Variants in JADE2 observed in about 807,000 individuals in gnomAD.
JADE2 encodes jade family PHD finger 2.
A neutral mutation model predicts 85.7 loss-of-function variants in JADE2; 13 were observed. The observed-to-expected ratio is 0.15, with a 90% CI of 0.10 to 0.24. The LOEUF is 0.24. JADE2 is among the 10% of genes least tolerant of loss of function. The probability of loss-of-function intolerance (pLI) is 1.00; values close to 1 mark genes in which losing one functional copy is unlikely to be tolerated. For missense variants in JADE2, 846 were observed against 1,115.9 expected, an observed-to-expected ratio of 0.76 and a Z score of 3.45; for synonymous variants, 440 against 456.1, an observed-to-expected ratio of 0.96 and a Z score of 0.45.
chr5:134,545,410 G>T (rs190467539), intron 3 of JADE2, among the ~76,000 whole-genome samples: 3,753 of 146,898 alleles, frequency 0.026, 145 homozygotes, highest in African/African-American at 0.083. Flanking sequence ...GTTGAGTGGG[G>T]TTTTTTTTTT....
In JADE2 at chr5:134,580,475, C is replaced by G. The variant is rs959798641; in HGVS notation, c.*1158C>G. ...CCCCGCCGTCCTGCCTTCCCCACCC[C>G]ACCCTTAGGTCCCAGGTAGTTGCTC... On this transcript the variant is annotated 3_prime_UTR_variant, in exon 12 of 12. Coordinates refer to ENST00000681547, the MANE Select transcript of JADE2 (RefSeq NM_001388185.1). 2 of 147,436 alleles carry G rather than the reference C, an allele frequency of 1.4e-5. No homozygotes were observed. The highest frequency in any genetic ancestry group is 3.0e-5 in the Non-Finnish European group (2 of 66,772). 9.1% of individuals were successfully genotyped at this position (147,436 alleles called of 1,614,324 possible).
At chr5:134,564,348 G>A (rs1763506654) in intron 7 of JADE2, 146 bp from the exon 8 acceptor site, 2 of 550,908 alleles carry the variant, frequency 3.6e-6, no homozygotes, top group Non-Finnish European at 3.3e-6. Flanking sequence ...TGCTTGTTTG[G>A]TGTCAGGAGG....
Position 134,531,883 on chromosome 5 carries a change from CTTTTTTTTTTTTT to C in JADE2, c.1-3957_1-3945del, listed in dbSNP as rs1160758941. ...TATAAGGATGAGCCACCGTGCCTGG[CTTTTTTTTTTTTT>C]TTTTTTTTTTTTTTTTTGAGACAGG... On this transcript the variant is annotated intron_variant, in intron 1 of 11. Coordinates refer to ENST00000681547, the MANE Select transcript of JADE2 (RefSeq NM_001388185.1). 1.4e-3 allele frequency among the ~76,000 whole-genome samples: 52 copies of C among 38,490 alleles called. 1 individual carries two copies. The East Asian group carries it at 0.015, about 11-fold the overall frequency. 25.3% of individuals were successfully genotyped at this position (38,490 alleles called of 152,430 possible). A position where few individuals can be genotyped will look rare whatever the true frequency, so the allele number is the denominator to read the frequency against.
Position 134,580,460 on chromosome 5 carries a change from C to T in JADE2, c.*1143C>T, listed in dbSNP as rs142844903. ...CGTCCTGCCATCCCCCCCCGCCGTCCTGCCTTCCCCACCCCACCCTTAGGT... is the reference window on the plus strand; with the variant it reads ...CGTCCTGCCATCCCCCCCCGCCGTCTTGCCTTCCCCACCCCACCCTTAGGT... On this transcript the variant is annotated 3_prime_UTR_variant, in exon 12 of 12. Coordinates refer to ENST00000681547, the MANE Select transcript of JADE2 (RefSeq NM_001388185.1). 0.097 allele frequency: 13,314 copies of T among 137,080 alleles called. 880 individuals carry two copies. The highest frequency in any genetic ancestry group is 0.2 in the East Asian group (803 of 4,032). The allele number at this position is 137,080 out of a possible 1,614,324, so 8.5% of individuals were successfully genotyped here.
chr5:134,565,686 A>G (rs928658987), intron 8 of JADE2, among the ~76,000 whole-genome samples: 2 of 152,128 alleles, frequency 1.3e-5, no homozygotes. Flanking sequence ...CTCTAAAAAT[A>G]CAAAAACTAG....
chr5:134,556,854 GCA>G (rs1762971350), intron 4 of JADE2, among the ~76,000 whole-genome samples: 2 of 50,752 alleles, frequency 3.9e-5, no homozygotes, highest in Non-Finnish European at 7.7e-5. Flanking sequence ...GCACATACAC[GCA>G]CACACCACAC....
intron 3 of JADE2, among the ~76,000 whole-genome samples, chr5:134,551,288 G>A (rs898603904): frequency 8.6e-5 from 13 of 151,990 alleles, no homozygotes; most frequent in Non-Finnish European, 1.5e-4. Context: ...GAGTGCAGTG[G>A]TGCAATCATG....
intron 3 of JADE2, among the ~76,000 whole-genome samples, chr5:134,551,448 C>T (rs1332921038): frequency 1.3e-5 from 2 of 151,838 alleles, no homozygotes; most frequent in Non-Finnish European, 2.9e-5. Context: ...AGACTTGTCT[C>T]AAAATCCTGG....
rs933237876 is a variant in JADE2 at position 134,562,775 on chromosome 5, A to G, written c.852+408A>G. On this transcript the variant is annotated intron_variant, in intron 7 of 11. Coordinates refer to ENST00000681547, the MANE Select transcript of JADE2 (RefSeq NM_001388185.1). This position sits in a 1 kb window ranked among gnomAD's most constrained non-coding sequence, Gnocchi z 4.6. ...CAAGACTCCGTCTGAAAAACAAAAC[A>G]AAACAAAGCACACACTGGGATCTCA... 6.6e-6 allele frequency among the ~76,000 whole-genome samples: 1 copy of G among 152,138 alleles called. No homozygotes were observed. Among genetic ancestry groups the G allele is most frequent in the Admixed American group, 6.5e-5 (1 of 15,280 alleles).
chr5:134,535,765 A>G (rs1761545994), intron 1 of JADE2, 93 bp from the exon 2 acceptor site: 1 of 1,002,940 alleles, frequency 1.0e-6, no homozygotes, highest in East Asian at 2.4e-5. Context: ...GCAGTGTCAT[A>G]AGTGTGGGGA....
intron 4 of JADE2, among the ~76,000 whole-genome samples, chr5:134,558,712 A>AT (rs1763138336): frequency 6.6e-6 from 1 of 152,082 alleles, no homozygotes; most frequent in Admixed American, 6.6e-5. Context: ...GTAATTTTGT[A>AT]TTTTTAGTAG....
intron 10 of JADE2, chr5:134,574,149 G>A (rs894175586): frequency 6.3e-6 from 2 of 317,748 alleles, no homozygotes; most frequent in Non-Finnish European, 6.0e-6. Flanking sequence ...ACCCTGGTGT[G>A]CCTGGGAGTC....
chr5:134,532,522 T>C (rs1761310720), intron 1 of JADE2, among the ~76,000 whole-genome samples: 1 of 152,144 alleles, frequency 6.6e-6, no homozygotes, highest in South Asian at 2.1e-4. Flanking sequence ...AATGAGATCT[T>C]TTCTTTCCTA....
chr5:134,579,474 T>C lies in JADE2; in HGVS notation c.*157T>C, dbSNP rs1169135050. On this transcript the variant is annotated 3_prime_UTR_variant, in exon 12 of 12. Transcript: ENST00000681547. The surrounding 1 kb of genome is among the most constrained non-coding windows in gnomAD (Gnocchi z 4.6). ...TTAATATAGAGAGAGTTTTGAATTC[T>C]ACACTGTTGTCTTTCCTCTGTGCTG... The C allele has an allele frequency of 1.5e-5, 9 of 607,674 alleles. No individual in the cohort carries two copies. In the East Asian group the frequency reaches 2.5e-4, roughly 17 times the overall value. The allele number at this position is 607,674 out of a possible 1,614,324, so 37.6% of individuals were successfully genotyped here. A position where few individuals can be genotyped will look rare whatever the true frequency, so the allele number is the denominator to read the frequency against.
chr5:134,581,533 G>A lies in JADE2; in HGVS notation c.*2216G>A, dbSNP rs1764710369. On this transcript the variant is annotated 3_prime_UTR_variant, in exon 12 of 12. Coordinates refer to ENST00000681547, the MANE Select transcript of JADE2 (RefSeq NM_001388185.1). The stretch of plus-strand genomic sequence containing the variant: ...CCCCTTCACACCATCCTGGGGCAGG[G>A]GCTGGGCCTCCCTGGTGGCAGGGGT... The A allele has an allele frequency of 6.6e-6, 1 of 152,488 alleles. No homozygotes were observed. The highest frequency in any genetic ancestry group is 2.4e-5 in the African/African-American group (1 of 41,402). The allele number at this position is 152,488 out of a possible 1,614,324, so 9.4% of individuals were successfully genotyped here.
chr5:134,549,910 C>T (rs570140955), intron 3 of JADE2, among the ~76,000 whole-genome samples: 1 of 152,306 alleles, frequency 6.6e-6, no homozygotes, highest in Admixed American at 6.5e-5. Flanking sequence ...GTCAGTTCTT[C>T]CTTGCCAGGT....
chr5:134,542,120 A>G (rs923056707), intron 3 of JADE2, among the ~76,000 whole-genome samples: 6 of 152,228 alleles, frequency 3.9e-5, no homozygotes, highest in Non-Finnish European at 8.8e-5. Flanking sequence ...AAGGCAGTAG[A>G]AGGAAAAGGT....
Position 134,566,592 on chromosome 5 carries a change from T to C in JADE2, c.1434+12T>C, listed in dbSNP as rs1371291772. 1 of 1,532,314 alleles carries C rather than the reference T, an allele frequency of 6.5e-7. No individual in the cohort carries two copies. The highest frequency in any genetic ancestry group is 2.0e-5 in the Admixed American group (1 of 50,404). 94.9% of individuals were successfully genotyped at this position (1,532,314 alleles called of 1,614,324 possible). On this transcript the variant is annotated intron_variant, in intron 9 of 11. Transcript: ENST00000681547. The surrounding 1 kb of genome is among the most constrained non-coding windows in gnomAD (Gnocchi z 6.7). Reference sequence around the variant, plus strand: ...AGGACCTAGAGAGGGTGAGTCCCCATGCCGCCTGCCCACCCCCTGCCTGGT... The same window carrying C: ...AGGACCTAGAGAGGGTGAGTCCCCACGCCGCCTGCCCACCCCCTGCCTGGT...
In JADE2 at chr5:134,579,359, A is replaced by G; in HGVS notation, c.*42A>G. The G allele has an allele frequency of 6.9e-7, 1 of 1,457,172 alleles. No individual in the cohort carries two copies. 90.3% of individuals were successfully genotyped at this position (1,457,172 alleles called of 1,614,324 possible). On this transcript the variant is annotated 3_prime_UTR_variant, in exon 12 of 12. Coordinates refer to ENST00000681547, the MANE Select transcript of JADE2 (RefSeq NM_001388185.1). The surrounding 1 kb of genome is among the most constrained non-coding windows in gnomAD (Gnocchi z 4.6). ...TCCCAGGCCCTGCCCTGGTCCCCCC[A>G]CAAGGCCTCAGCCCAGTCACAACTG...
Sources: gnomAD v4.1 joint callset for allele counts (sites outside exome capture counted in the v4.1 genomes callset) on GRCh38, gnomAD v4.1.1 for gene constraint, Gnocchi (gnomAD v3.1) non-coding constraint, MANE v1.5 for transcripts, NCBI Gene and HGNC (gene_info 2026-07-23, HGNC 2026-07-21) for gene names.